The following PDGFRB variants were observed in gnomAD, a reference collection of about 807,000 sequenced individuals.
The protein encoded by PDGFRB is platelet-derived growth factor receptor beta.
A neutral mutation model predicts 120.2 loss-of-function variants in PDGFRB; 42 were observed. That is an observed-to-expected ratio of 0.35 (90% CI 0.27 to 0.45). The LOEUF is 0.45. Among genes scored for constraint, PDGFRB ranks in the 20% least tolerant of loss-of-function variants. The pLI is 1.00. For missense variants in PDGFRB, 1,149 were observed against 1,476.3 expected (o/e 0.78, Z 3.63); for synonymous variants, 586 against 606.8 (o/e 0.97, Z 0.50).
Position 150,121,204 on chromosome 5 carries a change from G to A in PDGFRB, c.2463C>T (p.Asn821=), listed in dbSNP as rs78336563. The A allele has an allele frequency of 2.7e-4, 411 of 1,498,830 alleles. 4 individuals carry two copies. The East Asian group carries it at 7.7e-3, about 28-fold the overall frequency. The allele number at this position is 1,498,830 out of a possible 1,614,324, so 92.8% of individuals were successfully genotyped here. ...TCTGCCCCACCAACACCACACGTAC[G>A]TTCTTGGAGGCCAGAAACTCCATGC... is the stretch of plus-strand genomic sequence containing the variant. ...ANGMEFLASK[N]CVHRDLAARN... is the part of the protein sequence containing the mutation. Residue 821 remains asparagine (N), a splice_region_variant and synonymous_variant, in exon 17 of 23, where the codon AAC becomes AAT. Coordinates refer to ENST00000261799, the MANE Select transcript of PDGFRB (RefSeq NM_002609.4). This position sits in a 1 kb window ranked among gnomAD's most constrained non-coding sequence, Gnocchi z 4.1.
At position 150,122,056 on chromosome 5, in the gene PDGFRB, C is replaced by A; in HGVS notation, c.2184-16G>T. ...GGACACATGGCTGGGGGTAAAGGAG[C>A]ATCACAGGAGAGCCTGCAGGCTTTG... On this transcript the variant is annotated splice_polypyrimidine_tract_variant and intron_variant, in intron 15 of 22. Transcript: ENST00000261799. The A allele has an allele frequency of 1.2e-6, 2 of 1,610,876 alleles. No individual in the cohort carries two copies.
intron 1 of PDGFRB, among the ~76,000 whole-genome samples, chr5:150,155,018 C>G (rs1032469557): frequency 2.6e-5 from 4 of 152,190 alleles, no homozygotes; most frequent in African/African-American, 9.7e-5. Flanking sequence ...GGTCCCCAGT[C>G]CCCTGCTTTC....
At chr5:150,153,710 C>T (rs1339262708) in intron 1 of PDGFRB, 2 of 152,088 alleles carry the variant, frequency 1.3e-5, no homozygotes, top group Non-Finnish European at 2.9e-5. Flanking sequence ...GACTGCATGA[C>T]TTCAGAACTT....
chr5:150,133,094 G>A, intron 6 of PDGFRB, 152 bp from the exon 7 acceptor site: 1 of 635,472 alleles, frequency 1.6e-6, no homozygotes, highest in South Asian at 1.9e-5. Context: ...CTGGGGACAG[G>A]GCCTGGAGAA....
chr5:150,135,726 TC>T lies in PDGFRB; in HGVS notation c.192del (p.Met65CysfsTer23). 6.2e-7 allele frequency: 1 copy of T among 1,614,106 alleles called. No individual in the cohort carries two copies. Among genetic ancestry groups the T allele is most frequent in the Non-Finnish European group, 8.5e-7 (1 of 1,180,006 alleles). ...ATTTCCTGTGGGGGCTCCTGGGACA[TC>T]CGTTCCCACACCACCGGAGCTGAAC... The part of the protein sequence containing the change: ...CSGSAPVVWE[R>X]MSQEPPQEMA... On this transcript the variant is annotated frameshift_variant, in exon 3 of 23. Coordinates refer to ENST00000261799, the MANE Select transcript of PDGFRB (RefSeq NM_002609.4). LOFTEE classifies it high-confidence loss of function.
intron 1 of PDGFRB, among the ~76,000 whole-genome samples, chr5:150,143,099 G>A (rs931693757): frequency 7.9e-5 from 12 of 152,124 alleles, no homozygotes; most frequent in South Asian, 4.1e-4. Flanking sequence ...GGTGGGTAGC[G>A]TATATGGACA....
At chr5:150,131,379 C>T (rs562141283) in intron 8 of PDGFRB, among the ~76,000 whole-genome samples, 1 of 152,290 alleles carries the variant, frequency 6.6e-6, no homozygotes, top group African/African-American at 2.4e-5. Flanking sequence ...ATCCACTAAG[C>T]TAATGTCCTC....
In PDGFRB at chr5:150,119,988, G is replaced by A. The variant is rs1374319931; in HGVS notation, c.2698+24C>T. ...GTAGACACCAGGCCAGGATGCTGAG[G>A]GCTGGAGGAGGAAGCAAGCATACCC... is the stretch of plus-strand genomic sequence containing the variant. On this transcript the variant is annotated intron_variant, in intron 19 of 22. Transcript: ENST00000261799. 5 of 1,161,792 alleles carry A rather than the reference G, an allele frequency of 4.3e-6. No homozygotes were observed. In the Admixed American group the frequency reaches 8.4e-5, roughly 20 times the overall value. The allele number at this position is 1,161,792 out of a possible 1,614,324, so 72.0% of individuals were successfully genotyped here.
Position 150,121,203 on chromosome 5 carries a change from C to T in PDGFRB, c.2463+1G>A, listed in dbSNP as rs950308789. The T allele has an allele frequency of 4.1e-6, 6 of 1,481,392 alleles. No homozygotes were observed. The highest frequency in any genetic ancestry group is 2.3e-5 in the South Asian group (2 of 88,440). The allele number at this position is 1,481,392 out of a possible 1,614,324, so 91.8% of individuals were successfully genotyped here. On this transcript the variant is annotated splice_donor_variant, in intron 17 of 22. Coordinates refer to ENST00000261799, the MANE Select transcript of PDGFRB (RefSeq NM_002609.4). LOFTEE classifies it high-confidence loss of function. This position sits in a 1 kb window ranked among gnomAD's most constrained non-coding sequence, Gnocchi z 4.1. ...CTCTGCCCCACCAACACCACACGTACGTTCTTGGAGGCCAGAAACTCCATG... is the reference window on the plus strand; with the variant it reads ...CTCTGCCCCACCAACACCACACGTATGTTCTTGGAGGCCAGAAACTCCATG...
In PDGFRB at chr5:150,126,455, G is replaced by A. The variant is rs1760296110; in HGVS notation, c.1674+65C>T. 6.8e-6 allele frequency: 6 copies of A among 882,022 alleles called. No individual in the cohort carries two copies. The South Asian group carries it at 7.9e-5, about 12-fold the overall frequency. 54.6% of individuals were successfully genotyped at this position (882,022 alleles called of 1,614,324 possible). ...TCACGCAGCATTCAAGGAGGGCAGA[G>A]GGGTGGAATTTATGCAAAATAATGA... On this transcript the variant is annotated intron_variant, in intron 11 of 22. Transcript: ENST00000261799.
Position 150,115,152 on chromosome 5 carries a change from C to T in PDGFRB, c.*611G>A, listed in dbSNP as rs1448021169. The T allele has an allele frequency of 8.6e-6, 2 of 233,062 alleles. No homozygotes were observed. Among genetic ancestry groups the T allele is most frequent in the African/African-American group, 2.2e-5 (1 of 45,314 alleles). The allele number at this position is 233,062 out of a possible 1,614,324, so 14.4% of individuals were successfully genotyped here. ...GGCTCAGCCTCCAGCATTAATTAGG[C>T]TGCCTAATGGCCCCAGACCAGCTCG... On this transcript the variant is annotated 3_prime_UTR_variant, in exon 23 of 23. Coordinates refer to ENST00000261799, the MANE Select transcript of PDGFRB (RefSeq NM_002609.4).
rs140008145 is a variant in PDGFRB at position 150,132,814 on chromosome 5, G to A, written c.1063C>T (p.Arg355Cys). The A allele has an allele frequency of 1.5e-5, 24 of 1,612,468 alleles. No homozygotes were observed. Among genetic ancestry groups the A allele is most frequent in the African/African-American group, 9.3e-5 (7 of 74,940 alleles). ...CCAGCGCTGGAGTCGCCCAGGGTGCGGTTGTCTTTGAACCACAGGACAGTG... is the reference window on the plus strand; with the variant it reads ...CCAGCGCTGGAGTCGCCCAGGGTGCAGTTGTCTTTGAACCACAGGACAGTG... ...PPTVLWFKDN[R>C]TLGDSSAGEI... is the part of the protein sequence containing the mutation. The change falls in exon 7 of 23, where the codon CGC (arginine) becomes TGC (cysteine). Residue 355 changes from arginine (R) to cysteine (C), a missense_variant. Coordinates refer to ENST00000261799, the MANE Select transcript of PDGFRB (RefSeq NM_002609.4). This position sits in a 1 kb window ranked among gnomAD's most constrained non-coding sequence, Gnocchi z 5.0.
intron 9 of PDGFRB, 108 bp downstream of exon 9, chr5:150,130,431 C>T: frequency 9.0e-7 from 1 of 1,111,364 alleles, no homozygotes. Context: ...GGATGCAACT[C>T]TATGCCCGGA....
chr5:150,149,056 A>G (rs1455601777), intron 1 of PDGFRB, among the ~76,000 whole-genome samples: 2 of 152,086 alleles, frequency 1.3e-5, no homozygotes, highest in Admixed American at 1.3e-4. Flanking sequence ...CTGTGTGAGG[A>G]TTTTCTCTGG....
In PDGFRB at chr5:150,132,532, A is replaced by G. The variant is rs146570761; in HGVS notation, c.1127+218T>C. On this transcript the variant is annotated intron_variant, in intron 7 of 22. Transcript: ENST00000261799. This position sits in a 1 kb window ranked among gnomAD's most constrained non-coding sequence, Gnocchi z 5.0. Reference sequence around the variant, plus strand: ...CCACCCATCACAAGGACAACTAAACATCTGGGTGATCATCTGACCGGCGAC... The same window carrying G: ...CCACCCATCACAAGGACAACTAAACGTCTGGGTGATCATCTGACCGGCGAC... 1.3e-5 allele frequency among the ~76,000 whole-genome samples: 2 copies of G among 152,306 alleles called. No individual in the cohort carries two copies. The highest frequency in any genetic ancestry group is 4.8e-5 in the African/African-American group (2 of 41,580).
chr5:150,135,004 C>A lies in PDGFRB; in HGVS notation c.377G>T (p.Gly126Val). Residue 126 changes from glycine (G) to valine (V), a missense_variant, in exon 4 of 23, where the codon GGC (glycine) becomes GTC (valine). Gly to Val is a moderately radical substitution (Grantham distance 109, BLOSUM62 -3). Coordinates refer to ENST00000261799, the MANE Select transcript of PDGFRB (RefSeq NM_002609.4). ...TTCCTCGGCATCATTAGGGAGGAAG[C>A]CCACGGTGGGATCTGCCAGGAGTGG... ...LYIFVPDPTV[G>V]FLPNDAEELF... 1 of 1,579,520 alleles carries A rather than the reference C, an allele frequency of 6.3e-7. No individual in the cohort carries two copies. Among genetic ancestry groups the A allele is most frequent in the Non-Finnish European group, 8.7e-7 (1 of 1,152,386 alleles).
In PDGFRB at chr5:150,114,532, G is replaced by A; in HGVS notation, c.*1231C>T. 1 of 233,384 alleles carries A rather than the reference G, an allele frequency of 4.3e-6. No homozygotes were observed. Among genetic ancestry groups the A allele is most frequent in the East Asian group, 6.0e-5 (1 of 16,554 alleles). The allele number at this position is 233,384 out of a possible 1,614,324, so 14.5% of individuals were successfully genotyped here. On this transcript the variant is annotated 3_prime_UTR_variant, in exon 23 of 23. Transcript: ENST00000261799. ...TCCCGTGGTCTTCCCATGTCCCTGG[G>A]GCAGCTGCTGGGGGCTTTCCAGGAC... is the stretch of plus-strand genomic sequence containing the variant.
intron 1 of PDGFRB, among the ~76,000 whole-genome samples, chr5:150,143,913 C>A (rs1364224245): frequency 6.6e-6 from 1 of 152,230 alleles, no homozygotes; most frequent in Non-Finnish European, 1.5e-5. Flanking sequence ...AAGAGAGCAG[C>A]CCGGCGCAGC....
rs1033801121 is a variant in PDGFRB at position 150,137,309 on chromosome 5, G to A, written c.-6-256C>T. 29 of 454,970 alleles carry A rather than the reference G, an allele frequency of 6.4e-5. No individual in the cohort carries two copies. In the Admixed American group the frequency reaches 6.6e-4, roughly 10 times the overall value. 28.2% of individuals were successfully genotyped at this position (454,970 alleles called of 1,614,324 possible). On this transcript the variant is annotated intron_variant, in intron 1 of 22. Transcript: ENST00000261799. ...CTGCTTGTGACTCTCACGTGGCCTC[G>A]GCTGCGTCCCCAGACTCTCTCTGTG...
Sources: allele counts gnomAD v4.1 joint callset (sites outside exome capture counted in the v4.1 genomes callset), GRCh38; gene constraint gnomAD v4.1.1; non-coding constraint Gnocchi (gnomAD v3.1); transcripts MANE v1.5; gene names NCBI Gene and HGNC (gene_info 2026-07-23, HGNC 2026-07-21).